The following HCN1 variants were observed in gnomAD, a reference collection of about 807,000 sequenced individuals.
The protein encoded by HCN1 is potassium/sodium hyperpolarization-activated cyclic nucleotide-gated channel 1.
A neutral mutation model predicts 78.9 loss-of-function variants in HCN1; 13 were observed. The ratio of observed to expected loss-of-function variants is 0.16; its 90% CI spans 0.11 to 0.26. The LOEUF is 0.26. HCN1 is among the 10% of genes least tolerant of loss of function. The pLI, the probability that HCN1 is intolerant of heterozygous loss-of-function variation, is 1.00. For missense variants in HCN1, 810 were observed against 1,154.3 expected, an observed-to-expected ratio of 0.70 and a Z score of 4.32; for synonymous variants, 552 against 455.5, an observed-to-expected ratio of 1.21 and a Z score of -2.70.
At chr5:45,387,382 C>T (rs558794883) in intron 4 of HCN1, among the ~76,000 whole-genome samples, 258 of 151,962 alleles carry the variant, frequency 1.7e-3, no homozygotes, top group African/African-American at 5.9e-3. Context: ...GAAAAATCCA[C>T]GTTAGTGATT....
intron 7 of HCN1, among the ~76,000 whole-genome samples, chr5:45,266,136 G>C (rs1042307898): frequency 1.6e-4 from 25 of 152,280 alleles, no homozygotes; most frequent in African/African-American, 5.8e-4. Context: ...GCCAATCCAA[G>C]CTAACTTTAC....
chr5:45,303,691 C>A lies in HCN1; in HGVS notation c.1526G>T (p.Gly509Val). 1 of 1,613,544 alleles carries A rather than the reference C, an allele frequency of 6.2e-7. No individual in the cohort carries two copies. Among genetic ancestry groups the A allele is most frequent in the Non-Finnish European group, 8.5e-7 (1 of 1,179,694 alleles). ...GDYIIREGAV[G>V]KKMYFIQHGV... ...GTGTTGAATGAAATACATTTTTTTA[C>A]CCACGGCTCCTTCTCGTATGATATA... The change falls in exon 6 of 8, where the codon GGT (glycine) becomes GTT (valine). Residue 509 changes from glycine to valine, a missense_variant. This residue lies in a region of HCN1 where 100 missense variants were observed against 126.8 expected (regional missense o/e 0.79). Coordinates refer to ENST00000303230, the MANE Select transcript of HCN1 (RefSeq NM_021072.4).
At chr5:45,629,939 T>C (rs972128843) in intron 2 of HCN1, among the ~76,000 whole-genome samples, 2 of 152,160 alleles carry the variant, frequency 1.3e-5, no homozygotes, top group Non-Finnish European at 2.9e-5. Flanking sequence ...TAAATTCCTA[T>C]TAAGGTTGAG....
At chr5:45,412,471 G>A (rs1356431114) in intron 3 of HCN1, among the ~76,000 whole-genome samples, 2 of 152,090 alleles carry the variant, frequency 1.3e-5, no homozygotes, top group Non-Finnish European at 2.9e-5. Context: ...CAATCACACT[G>A]CAGATGAGGT....
chr5:45,321,426 G>C (rs1019925779), intron 5 of HCN1, among the ~76,000 whole-genome samples: 13 of 150,812 alleles, frequency 8.6e-5, no homozygotes, highest in African/African-American at 3.0e-4. Context: ...AATATGTGTA[G>C]AGAAAACTAA....
intron 5 of HCN1, among the ~76,000 whole-genome samples, chr5:45,349,835 ATC>A (rs1746846893): frequency 6.6e-6 from 1 of 152,052 alleles, no homozygotes. Context: ...AAGAAGTTGA[ATC>A]TCTGAATAGA....
chr5:45,357,588 T>G (rs1359607773), intron 4 of HCN1, among the ~76,000 whole-genome samples: 2 of 152,102 alleles, frequency 1.3e-5, no homozygotes, highest in Non-Finnish European at 2.9e-5. Flanking sequence ...TGAAAATGAT[T>G]TTTAGGCCGC....
At chr5:45,587,229 G>A (rs1392497618) in intron 2 of HCN1, among the ~76,000 whole-genome samples, 1 of 152,138 alleles carries the variant, frequency 6.6e-6, no homozygotes, top group South Asian at 2.1e-4. Flanking sequence ...AAATCATGCT[G>A]CCATAAAGAC....
At chr5:45,644,278 T>G (rs2112030329) in intron 2 of HCN1, 1 of 152,312 alleles carries the variant, frequency 6.6e-6, no homozygotes, top group East Asian at 1.9e-4. Flanking sequence ...ATTCTACAAG[T>G]CTTTTGGACT....
intron 2 of HCN1, among the ~76,000 whole-genome samples, chr5:45,517,362 C>T (rs893691333): frequency 1.3e-5 from 2 of 151,510 alleles, no homozygotes; most frequent in East Asian, 1.9e-4. Context: ...TTCCTTTGAT[C>T]CCCACGCTAT....
At chr5:45,601,264 A>C (rs1744616196) in intron 2 of HCN1, among the ~76,000 whole-genome samples, 1 of 152,124 alleles carries the variant, frequency 6.6e-6, no homozygotes, top group Non-Finnish European at 1.5e-5. Flanking sequence ...AATCTAATGA[A>C]GTGTTTTGTC....
intron 2 of HCN1, among the ~76,000 whole-genome samples, chr5:45,498,848 GGTGTCAGTCT>G (rs1260112285): frequency 8.5e-5 from 13 of 152,130 alleles, no homozygotes; most frequent in Non-Finnish European, 1.6e-4. Context: ...GGCCGTGTGA[GGTGTCAGTCT>G]GCCCCTGCCG....
intron 6 of HCN1, among the ~76,000 whole-genome samples, chr5:45,281,241 C>T (rs915227229): frequency 4.6e-5 from 7 of 152,058 alleles, no homozygotes; most frequent in African/African-American, 1.7e-4. Context: ...GGATTTCCCC[C>T]TTGCTGTTGT....
At chr5:45,360,314 T>C (rs1415850016) in intron 4 of HCN1, among the ~76,000 whole-genome samples, 1 of 151,842 alleles carries the variant, frequency 6.6e-6, no homozygotes, top group Non-Finnish European at 1.5e-5. Context: ...TTAAAATTGT[T>C]TGCTCTTCAA....
rs567597563 is a variant in HCN1 at position 45,317,872 on chromosome 5, C to T, written c.1378-14033G>A. Reference sequence around the variant, plus strand: ...AATCAAAACCACAATGAGATACCATCTCACACCACTTAGAATGGCGATCAT... The same window carrying T: ...AATCAAAACCACAATGAGATACCATTTCACACCACTTAGAATGGCGATCAT... On this transcript the variant is annotated intron_variant, in intron 5 of 7. Transcript: ENST00000303230. Among the ~76,000 whole-genome samples, 4 of 152,274 alleles carry T rather than the reference C, an allele frequency of 2.6e-5. No individual in the cohort carries two copies. In the South Asian group the frequency reaches 8.3e-4, roughly 32 times the overall value.
chr5:45,651,016 T>C (rs1325241086), intron 1 of HCN1, among the ~76,000 whole-genome samples: 2 of 152,066 alleles, frequency 1.3e-5, no homozygotes, highest in South Asian at 4.1e-4. Flanking sequence ...CAATATTTTC[T>C]CTAAATATTG....
At chr5:45,496,953 T>G (rs562582625) in intron 2 of HCN1, among the ~76,000 whole-genome samples, 55 of 152,242 alleles carry the variant, frequency 3.6e-4, no homozygotes, top group Admixed American at 1.8e-3. Flanking sequence ...CCTTCATTTC[T>G]TTATGTACCC....
chr5:45,526,528 T>C (rs1341400503), intron 2 of HCN1, among the ~76,000 whole-genome samples: 2 of 152,118 alleles, frequency 1.3e-5, no homozygotes, highest in Non-Finnish European at 2.9e-5. Context: ...TATTCAAAAC[T>C]AGTTTCCTGT....
At chr5:45,336,152 C>G (rs933184248) in intron 5 of HCN1, among the ~76,000 whole-genome samples, 1 of 151,880 alleles carries the variant, frequency 6.6e-6, no homozygotes, top group Admixed American at 6.6e-5. Flanking sequence ...CAGGGAAAGC[C>G]AGGTCAGGCA....
Sources: gnomAD v4.1 joint callset for allele counts (sites outside exome capture counted in the v4.1 genomes callset) on GRCh38, gnomAD v4.1.1 for gene constraint, gnomAD v4.1.1 regional missense constraint, MANE v1.5 for transcripts, NCBI Gene and HGNC (gene_info 2026-07-23, HGNC 2026-07-21) for gene names.